FNIP1: variants seen among roughly 807,000 people sequenced by gnomAD.
The protein encoded by FNIP1 is folliculin interacting protein 1, also known as folliculin-interacting protein 1.
Under a neutral mutation model 124.5 loss-of-function variants are expected in FNIP1, and 40 were observed. The ratio of observed to expected loss-of-function variants is 0.32; its 90% confidence interval spans 0.25 to 0.42. The LOEUF is 0.42. FNIP1 is among the 10% of genes least tolerant of loss of function. FNIP1 has a pLI of 1.00. For missense variants in FNIP1, 1,176 were observed against 1,403.7 expected, an observed-to-expected ratio of 0.84 and a Z score of 2.59; for synonymous variants, 472 against 470.6, an observed-to-expected ratio of 1.00 and a Z score of -0.04.
intron 3 of FNIP1, among the ~76,000 whole-genome samples, chr5:131,720,877 G>A (rs1025430781): frequency 6.6e-6 from 1 of 152,198 alleles, no homozygotes; most frequent in Non-Finnish European, 1.5e-5. Context: ...GCACATTGTT[G>A]TAGGAATGCA....
At chr5:131,705,763 G>GA (rs1159892654) in intron 9 of FNIP1, among the ~76,000 whole-genome samples, 5 of 152,052 alleles carry the variant, frequency 3.3e-5, no homozygotes, top group Admixed American at 2.6e-4. Context: ...CAAAAGTATT[G>GA]AAAATGGGGA....
At chr5:131,658,863 T>C (rs1227861274) in intron 15 of FNIP1, among the ~76,000 whole-genome samples, 1 of 128,134 alleles carries the variant, frequency 7.8e-6, no homozygotes, top group African/African-American at 3.0e-5. Flanking sequence ...TCCAGCTGAC[T>C]GCTGTCACCT....
intron 1 of FNIP1, among the ~76,000 whole-genome samples, chr5:131,790,014 A>T (rs1196460901): frequency 6.6e-6 from 1 of 152,220 alleles, no homozygotes; most frequent in East Asian, 1.9e-4. Context: ...TCTCAATGGC[A>T]ATTAAAACCA....
chr5:131,652,791 G>C (rs1037366086), intron 15 of FNIP1, among the ~76,000 whole-genome samples: 1 of 151,870 alleles, frequency 6.6e-6, no homozygotes, highest in South Asian at 2.1e-4. Flanking sequence ...GCCAGACCTC[G>C]TCTCTACAAA....
At position 131,784,604 on chromosome 5, in the gene FNIP1, T is replaced by C. The variant is rs550441814; in HGVS notation, c.92+12226A>G. Among the ~76,000 whole-genome samples, 69 of 152,206 alleles carry C rather than the reference T, an allele frequency of 4.5e-4. 1 individual carries two copies. The highest frequency in any genetic ancestry group is 1.6e-3 in the African/African-American group (66 of 41,522). On this transcript the variant is annotated intron_variant, in intron 1 of 17. Coordinates refer to ENST00000510461, the MANE Select transcript of FNIP1 (RefSeq NM_133372.3). Reference sequence around the variant, plus strand: ...GGGAGGCCAAAATGGGAGGACTGTTTGAGCCCAGGAGTTCGAGACCAGCCT... The same window carrying C: ...GGGAGGCCAAAATGGGAGGACTGTTCGAGCCCAGGAGTTCGAGACCAGCCT...
intron 6 of FNIP1, among the ~76,000 whole-genome samples, chr5:131,711,492 T>C (rs1470622204): frequency 2.0e-5 from 3 of 152,208 alleles, no homozygotes; most frequent in Non-Finnish European, 4.4e-5. Flanking sequence ...GACAATTGCA[T>C]GTTTCTTCTT....
chr5:131,646,920 T>C (rs1766900738), intron 17 of FNIP1, among the ~76,000 whole-genome samples, 170 bp downstream of exon 17: 1 of 152,220 alleles, frequency 6.6e-6, no homozygotes, highest in Non-Finnish European at 1.5e-5. Flanking sequence ...TTCAGATTAG[T>C]GGATGACAGG....
intron 15 of FNIP1, among the ~76,000 whole-genome samples, chr5:131,666,246 A>G (rs1767601331): frequency 6.6e-6 from 1 of 152,206 alleles, no homozygotes; most frequent in African/African-American, 2.4e-5. Flanking sequence ...ACAAAGTTCA[A>G]CAACTTGTCA....
Position 131,706,545 on chromosome 5 carries a change from T to C in FNIP1, c.780A>G (p.Ala260=), listed in dbSNP as rs1404594209. ...GAGTGATCAGCAAGCTGCTGAGAGA[T>C]GCTGTTAAGTCAGAAGAACAACAAG... The part of the protein sequence containing the change: ...EDRDSGIARS[A]SLSSLLITPF... The change falls in exon 9 of 18, where the codon GCA becomes GCG. Residue 260 remains alanine (A), a splice_region_variant and synonymous_variant. Coordinates refer to ENST00000510461, the MANE Select transcript of FNIP1 (RefSeq NM_133372.3). 5.7e-6 allele frequency: 9 copies of C among 1,583,384 alleles called. No individual in the cohort carries two copies. The highest frequency in any genetic ancestry group is 6.9e-6 in the Non-Finnish European group (8 of 1,164,690).
In FNIP1 at chr5:131,677,881, A is replaced by G; in HGVS notation, c.1350-9T>C. On this transcript the variant is annotated splice_polypyrimidine_tract_variant and intron_variant, in intron 12 of 17. Coordinates refer to ENST00000510461, the MANE Select transcript of FNIP1 (RefSeq NM_133372.3). ...TGAGAGCTGGCAAGAATCTGAAAACAAAATACATCTGATCAGATTCCAATC... is the reference window on the plus strand; with the variant it reads ...TGAGAGCTGGCAAGAATCTGAAAACGAAATACATCTGATCAGATTCCAATC... 1.2e-6 allele frequency: 2 copies of G among 1,612,206 alleles called. No homozygotes were observed. Among genetic ancestry groups the G allele is most frequent in the Non-Finnish European group, 1.7e-6 (2 of 1,178,892 alleles).
At chr5:131,782,891 G>A (rs2149585104) in intron 1 of FNIP1, among the ~76,000 whole-genome samples, 1 of 152,352 alleles carries the variant, frequency 6.6e-6, no homozygotes, top group East Asian at 1.9e-4. Context: ...TCAAACCCCT[G>A]ACCTCAAGTG....
chr5:131,693,297 C>CATATAT lies in FNIP1; in HGVS notation c.1202+5614_1202+5619dup, dbSNP rs142195628. ...AAGCATGGTAATAGCTAAATATATA[C>CATATAT]ATATATATATATATATATACACATA... On this transcript the variant is annotated intron_variant, in intron 11 of 17. Transcript: ENST00000510461. Among the ~76,000 whole-genome samples the CATATAT allele has an allele frequency of 7.0e-4, 19 of 27,040 alleles. 1 individual carries two copies. Among genetic ancestry groups the CATATAT allele is most frequent in the Admixed American group, 2.3e-3 (5 of 2,164 alleles). The allele number at this position is 27,040 out of a possible 152,430, so 17.7% of individuals were successfully genotyped here. A position where few individuals can be genotyped will look rare whatever the true frequency, so the allele number is the denominator to read the frequency against.
chr5:131,786,031 T>C (rs1203769449), intron 1 of FNIP1, among the ~76,000 whole-genome samples: 1 of 152,130 alleles, frequency 6.6e-6, no homozygotes, highest in Non-Finnish European at 1.5e-5. Context: ...GAGGCCACCC[T>C]TGCAATGTTT....
chr5:131,787,492 A>G (rs1772255821), intron 1 of FNIP1, among the ~76,000 whole-genome samples: 1 of 152,224 alleles, frequency 6.6e-6, no homozygotes, highest in Non-Finnish European at 1.5e-5. Context: ...CAACTTGATA[A>G]AAGGCTGATA....
At chr5:131,793,199 T>A (rs994921023) in intron 1 of FNIP1, among the ~76,000 whole-genome samples, 2 of 152,142 alleles carry the variant, frequency 1.3e-5, no homozygotes, top group Admixed American at 1.3e-4. Context: ...ACATGGCTAA[T>A]TTTTTATATT....
rs147308984 is a variant in FNIP1 at position 131,695,499 on chromosome 5, G to A, written c.1202+3418C>T. 4.7e-3 allele frequency among the ~76,000 whole-genome samples: 722 copies of A among 152,224 alleles called. 4 individuals carry two copies. Among genetic ancestry groups the A allele is most frequent in the African/African-American group, 0.016 (685 of 41,530 alleles). ...GGATAGTCATTATTCAGCCTGTGCAGGTCTAGCTCTTCAGACACAAACATG... is the reference window on the plus strand; with the variant it reads ...GGATAGTCATTATTCAGCCTGTGCAAGTCTAGCTCTTCAGACACAAACATG... On this transcript the variant is annotated intron_variant, in intron 11 of 17. Transcript: ENST00000510461.
In FNIP1 at chr5:131,671,705, GA is replaced by G; in HGVS notation, c.2738del (p.Val913AlafsTer15). The G allele has an allele frequency of 6.2e-7, 1 of 1,614,142 alleles. No homozygotes were observed. The highest frequency in any genetic ancestry group is 8.5e-7 in the Non-Finnish European group (1 of 1,180,030). ...CTGAACTCTCTTTATCCCCATGGGG[GA>G]CAAGAATGGAGAGTGTATCTCTTTG... Reference protein sequence around the residue: ...QDQRDTLSILVPHGDKESSDK... With the variant: ...QDQRDTLSILXPHGDKESSDK... On this transcript the variant is annotated frameshift_variant, in exon 14 of 18. Coordinates refer to ENST00000510461, the MANE Select transcript of FNIP1 (RefSeq NM_133372.3). LOFTEE classifies it high-confidence loss of function.
chr5:131,772,420 CAAA>C (rs10579529), intron 1 of FNIP1, among the ~76,000 whole-genome samples: 98,731 of 144,856 alleles, frequency 0.68, 33,509 homozygotes, highest in Middle Eastern at 0.79. Context: ...AAATTCAAAC[CAAA>C]AAAAAAAAAA....
chr5:131,650,010 TTGATTAC>T (rs1431957751), intron 16 of FNIP1, among the ~76,000 whole-genome samples: 4 of 152,218 alleles, frequency 2.6e-5, no homozygotes, highest in Non-Finnish European at 2.9e-5. Context: ...GCACAATGTT[TTGATTAC>T]TGTAGCTTTG....
Sources: gnomAD v4.1 joint callset for allele counts (sites outside exome capture counted in the v4.1 genomes callset) on GRCh38, gnomAD v4.1.1 for gene constraint, MANE v1.5 for transcripts, NCBI Gene and HGNC (gene_info 2026-07-23, HGNC 2026-07-21) for gene names.